The following RAPGEF2 variants were observed in gnomAD, a reference collection of about 807,000 sequenced individuals.
RAPGEF2 encodes the protein Rap guanine nucleotide exchange factor 2, also known as PDZ domain containing guanine nucleotide exchange factor (GEF) 1.
In RAPGEF2, 54 loss-of-function variants were observed where a neutral mutation model predicts 186.7. The observed-to-expected ratio is 0.29, with a 90% CI of 0.23 to 0.36. RAPGEF2 has a LOEUF of 0.36. Ranked by LOEUF, RAPGEF2 falls within the 10% of genes least tolerant of loss-of-function variation. The pLI, the probability that RAPGEF2 is intolerant of heterozygous loss-of-function variation, is 1.00. For missense variants in RAPGEF2, 1,532 were observed against 2,045.0 expected (o/e 0.75, Z 4.84); for synonymous variants, 712 against 705.9 (o/e 1.01, Z -0.14).
chr4:159,290,858 T>C (rs1021311728), intron 7 of RAPGEF2, among the ~76,000 whole-genome samples: 5 of 152,130 alleles, frequency 3.3e-5, no homozygotes, highest in Admixed American at 6.5e-5. Flanking sequence ...GCACCACAAA[T>C]GTTCAGTCAG....
rs1196022091 is a variant in RAPGEF2, at chr4:159,254,383, A to G, written c.543+10592A>G. Among the ~76,000 whole-genome samples the G allele has an allele frequency of 3.3e-5, 5 of 152,328 alleles. No homozygotes were observed. In the South Asian group the frequency reaches 8.3e-4, roughly 25 times the overall value. On this transcript the variant is annotated intron_variant, in intron 7 of 29. Transcript: ENST00000691494. ...CATAGTTTGACTTTATGAACTCTTA[A>G]GAGTCTTGGGGACCCTCAGGGGTCC...
intron 11 of RAPGEF2, among the ~76,000 whole-genome samples, chr4:159,325,722 T>C (rs934907771): frequency 1.3e-5 from 2 of 152,170 alleles, no homozygotes; most frequent in African/African-American, 4.8e-5. Flanking sequence ...TTCAGGATAA[T>C]TGATTGAAAT....
intron 3 of RAPGEF2, among the ~76,000 whole-genome samples, chr4:159,200,064 A>C (rs181783634): frequency 0.029 from 4,216 of 144,284 alleles, 185 homozygotes; most frequent in African/African-American, 0.11. Context: ...CTCTCTCTAT[A>C]TATATATATA....
In RAPGEF2 at chr4:159,104,489, CGA is replaced by C. The variant is rs553251268; in HGVS notation, c.69+294_69+295del. On this transcript the variant is annotated intron_variant, in intron 1 of 29. Coordinates refer to ENST00000691494, the MANE Select transcript of RAPGEF2 (RefSeq NM_001394067.2). ...GACCTTTCCCACTATGTTGCCCAGCCGAGAGAGAGAGAGAGAGAGAGAGAGAG... is the reference window on the plus strand; with the variant it reads ...GACCTTTCCCACTATGTTGCCCAGCCGAGAGAGAGAGAGAGAGAGAGAGAG... Among the ~76,000 whole-genome samples, 390 of 88,780 alleles carry C rather than the reference CGA, an allele frequency of 4.4e-3. 6 individuals carry two copies. Among genetic ancestry groups the C allele is most frequent in the Middle Eastern group, 5.6e-3 (1 of 180 alleles). 58.2% of individuals were successfully genotyped at this position (88,780 alleles called of 152,430 possible). A position where few individuals can be genotyped will look rare whatever the true frequency, so the allele number is the denominator to read the frequency against.
At chr4:159,271,119 A>T (rs1396570169) in intron 7 of RAPGEF2, among the ~76,000 whole-genome samples, 2 of 152,152 alleles carry the variant, frequency 1.3e-5, no homozygotes. Flanking sequence ...GTTAGCATTA[A>T]AAGTCTCTTT....
intron 1 of RAPGEF2, among the ~76,000 whole-genome samples, chr4:159,116,218 A>G (rs978437095): frequency 1.3e-5 from 2 of 152,192 alleles, no homozygotes; most frequent in African/African-American, 4.8e-5. Flanking sequence ...ACAATCTACA[A>G]GGAACATAAA....
intron 17 of RAPGEF2, among the ~76,000 whole-genome samples, chr4:159,338,005 A>G (rs549970051): frequency 6.6e-6 from 1 of 151,934 alleles, no homozygotes; most frequent in Non-Finnish European, 1.5e-5. Flanking sequence ...CTGTAATCCT[A>G]GCACTTTGGG....
chr4:159,216,619 A>G (rs1751018177), intron 4 of RAPGEF2, among the ~76,000 whole-genome samples: 1 of 152,108 alleles, frequency 6.6e-6, no homozygotes. Flanking sequence ...TTACAGAAGC[A>G]TTGGTAATAG....
At position 159,155,042 on chromosome 4, in the gene RAPGEF2, A is replaced by G. The variant is rs531235660; in HGVS notation, c.70-31600A>G. Among the ~76,000 whole-genome samples, 34 of 152,310 alleles carry G rather than the reference A, an allele frequency of 2.2e-4. No individual in the cohort carries two copies. In the South Asian group the frequency reaches 7.0e-3, roughly 32 times the overall value. The stretch of plus-strand genomic sequence containing the variant: ...TGTGAAGCAGTATTATAAAAATTTG[A>G]TATTTCGAATTCAGAACATCCTATA... On this transcript the variant is annotated intron_variant, in intron 1 of 29. Transcript: ENST00000691494.
chr4:159,222,572 A>G (rs979353674), intron 4 of RAPGEF2, among the ~76,000 whole-genome samples: 1 of 152,204 alleles, frequency 6.6e-6, no homozygotes, highest in Non-Finnish European at 1.5e-5. Context: ...TTTTCTCTGG[A>G]AAATGTTTCA....
chr4:159,316,820 C>T (rs1764664269), intron 9 of RAPGEF2, among the ~76,000 whole-genome samples: 1 of 152,184 alleles, frequency 6.6e-6, no homozygotes, highest in South Asian at 2.1e-4. Context: ...TTTATATCCA[C>T]CTTTCCATCA....
chr4:159,177,572 C>T (rs553253899), intron 1 of RAPGEF2, among the ~76,000 whole-genome samples: 1 of 152,268 alleles, frequency 6.6e-6, no homozygotes, highest in African/African-American at 2.4e-5. Flanking sequence ...GCTTGTATTC[C>T]TTTTATTACA....
intron 1 of RAPGEF2, among the ~76,000 whole-genome samples, chr4:159,131,521 T>G (rs925599292): frequency 1.2e-5 from 1 of 84,162 alleles, no homozygotes; most frequent in Non-Finnish European, 2.1e-5. Flanking sequence ...TAATTGCTAT[T>G]TTTTTTTTTT....
Position 159,346,873 on chromosome 4 carries a change from A to C in RAPGEF2, c.3587A>C (p.Gln1196Pro). The change falls in exon 25 of 30, where the codon CAG becomes CCG. Residue 1196 changes from glutamine (Q) to proline (P), a missense_variant. By Grantham distance (76) the Gln-to-Pro change is moderately conservative. This residue lies in a region of RAPGEF2 where 594 missense variants were observed against 608.5 expected (regional missense o/e 0.98). Transcript: ENST00000691494. ...AGGGCAGGGTCACAACAGAAAGCTC[A>C]GTCCCTGCCACAGCCCCAGCAGCAG... Reference protein sequence around the residue: ...APRAGSQQKAQSLPQPQQQPP... With the variant: ...APRAGSQQKAPSLPQPQQQPP... 6.2e-7 allele frequency: 1 copy of C among 1,614,098 alleles called. No individual in the cohort carries two copies. The highest frequency in any genetic ancestry group is 8.5e-7 in the Non-Finnish European group (1 of 1,179,918).
intron 4 of RAPGEF2, among the ~76,000 whole-genome samples, chr4:159,226,867 A>C (rs895675687): frequency 6.6e-6 from 1 of 152,204 alleles, no homozygotes. Flanking sequence ...GGCTCATGAG[A>C]AAAGTCCACA....
At chr4:159,279,747 C>T (rs1228070776) in intron 7 of RAPGEF2, among the ~76,000 whole-genome samples, 3 of 151,828 alleles carry the variant, frequency 2.0e-5, no homozygotes, top group Admixed American at 6.6e-5. Flanking sequence ...GGTGTGATCT[C>T]AGCTCACTGC....
intron 4 of RAPGEF2, among the ~76,000 whole-genome samples, chr4:159,221,494 G>A (rs568393703): frequency 1.3e-4 from 20 of 152,294 alleles, no homozygotes; most frequent in Non-Finnish European, 2.6e-4. Context: ...GGCTACTTCA[G>A]GCCACCCAGG....
chr4:159,190,053 A>C (rs1747957568), intron 2 of RAPGEF2, among the ~76,000 whole-genome samples: 1 of 152,204 alleles, frequency 6.6e-6, no homozygotes, highest in Non-Finnish European at 1.5e-5. Context: ...GGGTGACATT[A>C]GAGTCAGGAC....
chr4:159,334,469 G>A (rs995663779), intron 17 of RAPGEF2, among the ~76,000 whole-genome samples: 2 of 151,864 alleles, frequency 1.3e-5, no homozygotes, highest in Admixed American at 1.3e-4. Context: ...GGCTGGTCTC[G>A]ATCTCCTGTC....
Sources: allele counts gnomAD v4.1 joint callset (sites outside exome capture counted in the v4.1 genomes callset), GRCh38; gene constraint gnomAD v4.1.1; regional missense constraint gnomAD v4.1.1; transcripts MANE v1.5; gene names NCBI Gene and HGNC (gene_info 2026-07-23, HGNC 2026-07-21).